The following FXR1 variants were observed in gnomAD, a reference collection of about 807,000 sequenced individuals.
The protein encoded by FXR1 is RNA-binding protein FXR1.
FXR1 carries 15 observed loss-of-function variants against 84.0 expected under a neutral mutation model. The observed-to-expected ratio is 0.18, with a 90% confidence interval of 0.12 to 0.27. FXR1 has a LOEUF of 0.27. Among genes scored for constraint, FXR1 ranks in the 10% least tolerant of loss-of-function variants. The probability of loss-of-function intolerance (pLI) is 1.00; values close to 1 mark genes in which losing one functional copy is unlikely to be tolerated. For synonymous variants in FXR1, 245 were observed against 250.7 expected (o/e 0.98, Z 0.21); for missense variants, 480 against 774.4 (o/e 0.62, Z 4.51).
intron 13 of FXR1, among the ~76,000 whole-genome samples, chr3:180,965,276 A>G (rs1194722061): frequency 6.6e-6 from 1 of 152,006 alleles, no homozygotes; most frequent in Non-Finnish European, 1.5e-5. Flanking sequence ...TCGCCTCCCA[A>G]AGTGCTGGGA....
At chr3:180,924,066 C>A (rs1217349567) in intron 1 of FXR1, among the ~76,000 whole-genome samples, 1 of 152,078 alleles carries the variant, frequency 6.6e-6, no homozygotes, top group East Asian at 1.9e-4. Flanking sequence ...TCAAGTGATT[C>A]TCCTCCCTCA....
intron 10 of FXR1, among the ~76,000 whole-genome samples, chr3:180,959,137 G>A (rs910807302): frequency 6.6e-6 from 1 of 151,558 alleles, no homozygotes; most frequent in Non-Finnish European, 1.5e-5. Flanking sequence ...TCCCCTTAAC[G>A]CTTTTACGTT....
At chr3:180,965,826 T>C (rs1432138528) in intron 13 of FXR1, among the ~76,000 whole-genome samples, 2 of 152,154 alleles carry the variant, frequency 1.3e-5, no homozygotes, top group Admixed American at 1.3e-4. Context: ...TCAATATCTG[T>C]TTTACCTGCT....
At chr3:180,936,097 G>T (rs1249821042) in intron 3 of FXR1, among the ~76,000 whole-genome samples, 3 of 151,378 alleles carry the variant, frequency 2.0e-5, no homozygotes, top group Non-Finnish European at 4.4e-5. Context: ...TCATGATGTT[G>T]GCCAGGCTGT....
chr3:180,917,171 G>A (rs529902225), intron 1 of FXR1, among the ~76,000 whole-genome samples: 3 of 152,230 alleles, frequency 2.0e-5, no homozygotes, highest in African/African-American at 7.2e-5. Flanking sequence ...TGCTTCCACC[G>A]TGTAACTGTC....
intron 13 of FXR1, among the ~76,000 whole-genome samples, chr3:180,966,920 C>T (rs1712907753): frequency 6.6e-6 from 1 of 152,116 alleles, no homozygotes; most frequent in Admixed American, 6.5e-5. Context: ...ATTTGAGTTA[C>T]AGTAATTATT....
intron 13 of FXR1, among the ~76,000 whole-genome samples, chr3:180,964,701 A>ATATATATAT (rs10530708): frequency 6.3e-5 from 9 of 141,966 alleles, no homozygotes; most frequent in African/African-American, 2.1e-4. Context: ...ATATATATAT[A>ATATATATAT]ATGAGTACTG....
intron 4 of FXR1, 109 bp downstream of exon 4, chr3:180,948,045 T>C (rs748849476): frequency 5.9e-6 from 4 of 680,604 alleles, no homozygotes; most frequent in South Asian, 2.0e-5. Context: ...AAAGCCTACC[T>C]GAGAAATAGT....
intron 10 of FXR1, among the ~76,000 whole-genome samples, chr3:180,959,631 G>C (rs187193123): frequency 2.0e-5 from 3 of 151,660 alleles, no homozygotes; most frequent in African/African-American, 7.3e-5. Flanking sequence ...ATTTTTTTAG[G>C]TTCTTGCCCT....
At chr3:180,941,667 A>C (rs112733727) in intron 3 of FXR1, among the ~76,000 whole-genome samples, 29 of 152,274 alleles carry the variant, frequency 1.9e-4, no homozygotes, top group African/African-American at 6.7e-4. Context: ...GCTCGCACAT[A>C]AAGGAGAGAC....
rs994262207 is a variant in FXR1 at position 180,941,738 on chromosome 3, T to C, written c.199-6127T>C. The stretch of plus-strand genomic sequence containing the variant: ...AGTGGCCAGTTTCTAGGACTTGATA[T>C]AGTAAAGAAAGCTGGTAGGAAACTG... On this transcript the variant is annotated intron_variant, in intron 3 of 16. Transcript: ENST00000357559. Among the ~76,000 whole-genome samples, 3 of 152,282 alleles carry C rather than the reference T, an allele frequency of 2.0e-5. No individual in the cohort carries two copies. The South Asian group carries it at 6.2e-4, about 32-fold the overall frequency.
At chr3:180,939,128 C>T (rs1445569222) in intron 3 of FXR1, among the ~76,000 whole-genome samples, 1 of 151,812 alleles carries the variant, frequency 6.6e-6, no homozygotes, top group Non-Finnish European at 1.5e-5. Context: ...CTTCTGGCTT[C>T]AAGTGAACAC....
chr3:180,948,290 T>G, intron 4 of FXR1, 57 bp from the exon 5 acceptor site: 1 of 1,311,278 alleles, frequency 7.6e-7, no homozygotes, highest in Non-Finnish European at 1.1e-6. Flanking sequence ...AGAACTTCAT[T>G]TAAACTTCAT....
At chr3:180,914,637 AT>A (rs899566646) in intron 1 of FXR1, 1,408 of 317,342 alleles carry the variant, frequency 4.4e-3, no homozygotes, top group Non-Finnish European at 5.6e-3. Context: ...TTCTCACGGT[AT>A]TTTTTTTTTC....
At chr3:180,961,575 A>G (rs1308940846) in intron 11 of FXR1, 21 bp downstream of exon 11, 3 of 1,040,168 alleles carry the variant, frequency 2.9e-6, no homozygotes, top group Non-Finnish European at 4.5e-6. Flanking sequence ...GGTTCATACT[A>G]TATTCTGATA....
intron 8 of FXR1, among the ~76,000 whole-genome samples, chr3:180,952,589 A>G (rs1722337454): frequency 1.3e-5 from 2 of 151,634 alleles, no homozygotes; most frequent in African/African-American, 4.9e-5. Flanking sequence ...AAAAAAAAAG[A>G]CGAGCTTTGG....
intron 9 of FXR1, chr3:180,954,215 G>C (rs1271412158): frequency 6.1e-6 from 1 of 163,712 alleles, no homozygotes; most frequent in East Asian, 1.8e-4. Flanking sequence ...TTTTTGAGAA[G>C]GTATTGGTGA....
intron 3 of FXR1, among the ~76,000 whole-genome samples, chr3:180,945,542 C>T (rs1721608817): frequency 6.6e-6 from 1 of 152,192 alleles, no homozygotes; most frequent in African/African-American, 2.4e-5. Flanking sequence ...GTAGGTGGCA[C>T]CACAGGTGCA....
intron 3 of FXR1, among the ~76,000 whole-genome samples, chr3:180,940,274 C>T (rs1720975215): frequency 6.6e-6 from 1 of 152,060 alleles, no homozygotes; most frequent in Non-Finnish European, 1.5e-5. Flanking sequence ...TAAGTATTTG[C>T]TTAATGATTG....
Sources: allele counts gnomAD v4.1 joint callset (sites outside exome capture counted in the v4.1 genomes callset), GRCh38; gene constraint gnomAD v4.1.1; transcripts MANE v1.5; gene names NCBI Gene and HGNC (gene_info 2026-07-23, HGNC 2026-07-21).